The following RPS6KC1 variants were observed in gnomAD, a reference collection of about 807,000 sequenced individuals.
The protein encoded by RPS6KC1 is ribosomal protein S6 kinase C1.
Under a neutral mutation model 103.8 loss-of-function variants are expected in RPS6KC1, and 54 were observed. That is an observed-to-expected ratio of 0.52 (90% CI 0.42 to 0.65). RPS6KC1 has a LOEUF of 0.65. RPS6KC1 is among the 30% of genes least tolerant of loss of function. RPS6KC1 has a pLI of 0.00. For synonymous variants in RPS6KC1, 439 were observed against 438.7 expected (o/e 1.00, Z -0.01); for missense variants, 1,151 against 1,253.8 (o/e 0.92, Z 1.24).
intron 12 of RPS6KC1, among the ~76,000 whole-genome samples, chr1:213,259,287 C>T (rs542243667): frequency 7.5e-4 from 114 of 152,294 alleles, no homozygotes; most frequent in African/African-American, 2.6e-3. Flanking sequence ...TGGCCGGGTG[C>T]GGTGGCTCAT....
At chr1:213,303,739 A>G in the RPS6KC1 span, among the ~76,000 whole-genome samples, 1 of 152,212 alleles carries the variant, frequency 6.6e-6, no homozygotes, top group South Asian at 2.1e-4. Flanking sequence ...GGATAGCTCT[A>G]TATTACCAAA....
At chr1:213,371,113 C>T in the RPS6KC1 span, among the ~76,000 whole-genome samples, 2 of 152,082 alleles carry the variant, frequency 1.3e-5, no homozygotes, top group Non-Finnish European at 2.9e-5. Context: ...CCCCCTTGCT[C>T]CTTACCCCCA....
chr1:213,094,085 T>TC (rs11331125), intron 3 of RPS6KC1, among the ~76,000 whole-genome samples: 4,527 of 148,682 alleles, frequency 0.03, 135 homozygotes, highest in African/African-American at 0.074. Flanking sequence ...AAATTTATGC[T>TC]CCCCCCCCCC....
At chr1:213,539,711 CATTGGTTAAAATG>C in the RPS6KC1 span, among the ~76,000 whole-genome samples, 1 of 152,150 alleles carries the variant, frequency 6.6e-6, no homozygotes, top group African/African-American at 2.4e-5. Flanking sequence ...CAATAAGTCC[CATTGGTTAAAATG>C]ATCGGGGCAA....
chr1:213,752,193 G>A, the RPS6KC1 span, among the ~76,000 whole-genome samples: 1 of 152,168 alleles, frequency 6.6e-6, no homozygotes, highest in Non-Finnish European at 1.5e-5. Flanking sequence ...AGCAGGTTCT[G>A]TTGGGACCAT....
chr1:213,748,057 C>G, the RPS6KC1 span, among the ~76,000 whole-genome samples: 1 of 152,136 alleles, frequency 6.6e-6, no homozygotes, highest in Non-Finnish European at 1.5e-5. Context: ...ACAAAGATGC[C>G]TAGATCCATC....
At chr1:213,736,506 T>C in the RPS6KC1 span, among the ~76,000 whole-genome samples, 5 of 152,298 alleles carry the variant, frequency 3.3e-5, no homozygotes, top group African/African-American at 7.2e-5. Context: ...TCTAGTCTAC[T>C]AACATAGAGT....
chr1:213,772,345 A>G, the RPS6KC1 span, among the ~76,000 whole-genome samples: 3 of 152,234 alleles, frequency 2.0e-5, no homozygotes, highest in Non-Finnish European at 2.9e-5. Context: ...TTCTTTGCGC[A>G]GGACACAATG....
Position 213,241,425 on chromosome 1 carries a change from G to A in RPS6KC1, c.1949G>A (p.Ser650Asn). Residue 650 changes from serine (S) to asparagine (N), a missense_variant, in exon 11 of 15, where the codon AGC becomes AAC. Ser to Asn is a conservative substitution (Grantham distance 46). This residue lies in a region of RPS6KC1 where 959 missense variants were observed against 1,006.3 expected (regional missense o/e 0.95). Coordinates refer to ENST00000366960, the MANE Select transcript of RPS6KC1 (RefSeq NM_012424.6). ...SASRSFNTSE[S>N]KVEFKAQDTI... ...TCTAGGAGTTTTAATACTAGTGAAA[G>A]CAAGGTAGAGTTTAAAGCTCAGGAC... 2 of 1,613,988 alleles carry A rather than the reference G, an allele frequency of 1.2e-6. No homozygotes were observed. The highest frequency in any genetic ancestry group is 1.7e-6 in the Non-Finnish European group (2 of 1,179,946).
Position 213,051,353 on chromosome 1 carries a change from G to C in RPS6KC1, c.-52G>C. On this transcript the variant is annotated 5_prime_UTR_variant, in exon 1 of 15. Coordinates refer to ENST00000366960, the MANE Select transcript of RPS6KC1 (RefSeq NM_012424.6). ...GGAACCTGGACCGCGGCGGCGCCGGGTTTCCCTCATGATCCCGGGCGGGTG... is the reference window on the plus strand; with the variant it reads ...GGAACCTGGACCGCGGCGGCGCCGGCTTTCCCTCATGATCCCGGGCGGGTG... 1 of 1,445,756 alleles carries C rather than the reference G, an allele frequency of 6.9e-7. No individual in the cohort carries two copies. 89.6% of individuals were successfully genotyped at this position (1,445,756 alleles called of 1,614,324 possible).
At chr1:213,243,400 A>T (rs1045095496) in intron 12 of RPS6KC1, among the ~76,000 whole-genome samples, 1 of 152,136 alleles carries the variant, frequency 6.6e-6, no homozygotes, top group Non-Finnish European at 1.5e-5. Flanking sequence ...GATTGCAGGC[A>T]TGAGCCCATG....
the RPS6KC1 span, among the ~76,000 whole-genome samples, chr1:213,630,542 G>T: frequency 6.6e-6 from 1 of 151,804 alleles, no homozygotes; most frequent in Non-Finnish European, 1.5e-5. Flanking sequence ...CTTTAGCTCG[G>T]AGTAGTTTGA....
the RPS6KC1 span, among the ~76,000 whole-genome samples, chr1:213,782,911 T>C: frequency 6.6e-6 from 1 of 152,152 alleles, no homozygotes; most frequent in Non-Finnish European, 1.5e-5. Context: ...GTTGGAGGAA[T>C]AAATGTTGAA....
At chr1:213,302,504 A>G in the RPS6KC1 span, among the ~76,000 whole-genome samples, 1 of 152,164 alleles carries the variant, frequency 6.6e-6, no homozygotes, top group African/African-American at 2.4e-5. Flanking sequence ...TCTAAAAAGA[A>G]AAGAAAAAAA....
At chr1:213,506,737 T>C in the RPS6KC1 span, among the ~76,000 whole-genome samples, 3 of 152,208 alleles carry the variant, frequency 2.0e-5, no homozygotes, top group Non-Finnish European at 4.4e-5. Flanking sequence ...AATATGATGA[T>C]TCTTAATTAG....
intron 5 of RPS6KC1, among the ~76,000 whole-genome samples, chr1:213,120,104 T>G (rs1001850423): frequency 6.6e-6 from 1 of 152,184 alleles, no homozygotes; most frequent in African/African-American, 2.4e-5. Flanking sequence ...TGAGAGAAAT[T>G]GGGGCTAACA....
intron 3 of RPS6KC1, among the ~76,000 whole-genome samples, chr1:213,091,067 T>G (rs2080914575): frequency 6.6e-6 from 1 of 152,042 alleles, no homozygotes; most frequent in African/African-American, 2.4e-5. Flanking sequence ...GAGGAGTGTT[T>G]TTTTTTTTGA....
the RPS6KC1 span, among the ~76,000 whole-genome samples, chr1:213,506,637 C>T: frequency 1.3e-5 from 2 of 152,120 alleles, no homozygotes; most frequent in Non-Finnish European, 2.9e-5. Flanking sequence ...TTTACTCAAC[C>T]CAGTCAATCC....
intron 10 of RPS6KC1, among the ~76,000 whole-genome samples, chr1:213,236,896 A>C (rs919643566): frequency 6.6e-6 from 1 of 152,194 alleles, no homozygotes; most frequent in Non-Finnish European, 1.5e-5. Flanking sequence ...TTATAAAACT[A>C]ATTTATAAAA....
Sources: gnomAD v4.1 joint callset for allele counts (sites outside exome capture counted in the v4.1 genomes callset) on GRCh38, gnomAD v4.1.1 for gene constraint, gnomAD v4.1.1 regional missense constraint, MANE v1.5 for transcripts, NCBI Gene and HGNC (gene_info 2026-07-23, HGNC 2026-07-21) for gene names.